The following IL7 variants were observed in gnomAD, a reference collection of about 807,000 sequenced individuals.
The protein encoded by IL7 is interleukin-7.
Under a neutral mutation model 21.6 loss-of-function variants are expected in IL7, and 3 were observed. The observed-to-expected ratio is 0.14, with a 90% CI of 0.06 to 0.36. IL7 has a LOEUF of 0.36. Among genes scored for constraint, IL7 ranks in the 10% least tolerant of loss-of-function variants. IL7 has a pLI of 1.00. For missense variants in IL7, 175 were observed against 200.2 expected, an observed-to-expected ratio of 0.87 and a Z score of 0.76; for synonymous variants, 62 against 68.1, an observed-to-expected ratio of 0.91 and a Z score of 0.44.
At chr8:78,763,996 C>T (rs1812666977) in intron 2 of IL7, among the ~76,000 whole-genome samples, 1 of 152,116 alleles carries the variant, frequency 6.6e-6, no homozygotes, top group South Asian at 2.1e-4. Context: ...ATCATCTACA[C>T]CACAATTGAG....
chr8:78,798,174 C>G lies in IL7; in HGVS notation c.45G>C (p.Leu15=). 8 of 1,611,530 alleles carry G rather than the reference C, an allele frequency of 5.0e-6. No individual in the cohort carries two copies. Among genetic ancestry groups the G allele is most frequent in the Non-Finnish European group, 6.8e-6 (8 of 1,178,078 alleles). ...ATGCTACTGGCAACAGAACAAGGATCAGGGGAGGAAGTCCAAAGATATACC... is the reference window on the plus strand; with the variant it reads ...ATGCTACTGGCAACAGAACAAGGATGAGGGGAGGAAGTCCAAAGATATACC... ...SFRYIFGLPP[L]ILVLLPVASS... is the part of the protein sequence containing the mutation. Residue 15 remains leucine, a synonymous_variant, in exon 2 of 6, where the codon CTG becomes CTC. Transcript: ENST00000263851.
intron 3 of IL7, among the ~76,000 whole-genome samples, chr8:78,695,189 A>G (rs1810358023): frequency 6.6e-6 from 1 of 152,196 alleles, no homozygotes; most frequent in Non-Finnish European, 1.5e-5. Context: ...ATATTATAGG[A>G]TATAAGTAAG....
downstream of IL7, among the ~76,000 whole-genome samples, chr8:78,675,468 C>T (rs551361346): frequency 2.6e-4 from 39 of 151,668 alleles, no homozygotes; most frequent in Admixed American, 1.1e-3. Context: ...AGTAATTTAC[C>T]ATAGAGATAG....
exon 5 of IL7, chr8:78,675,807 G>T: frequency 6.2e-7 from 1 of 1,609,562 alleles, no homozygotes; most frequent in Non-Finnish European, 8.5e-7. Flanking sequence ...TGTTGTCCAA[G>T]TTGGAGAATT....
At chr8:78,794,550 T>G (rs1454095113) in intron 2 of IL7, among the ~76,000 whole-genome samples, 1 of 152,122 alleles carries the variant, frequency 6.6e-6, no homozygotes, top group Non-Finnish European at 1.5e-5. Context: ...AGATGTCGCC[T>G]GTTTCCAGTA....
intron 4 of IL7, among the ~76,000 whole-genome samples, chr8:78,678,378 A>G (rs1266245023): frequency 6.6e-6 from 1 of 152,184 alleles, no homozygotes; most frequent in African/African-American, 2.4e-5. Flanking sequence ...TAGAGCGTGC[A>G]TTATATATAC....
chr8:78,698,350 A>T, intron 3 of IL7: 1 of 1,294,440 alleles, frequency 7.7e-7, no homozygotes, highest in Non-Finnish European at 1.1e-6. Context: ...TTCCTTTGTT[A>T]GATGCTCTGT....
chr8:78,794,044 C>A (rs538632584), intron 2 of IL7, among the ~76,000 whole-genome samples: 3 of 152,186 alleles, frequency 2.0e-5, no homozygotes, highest in African/African-American at 7.2e-5. Flanking sequence ...CTATTTCTAC[C>A]ATATCTGCAT....
chr8:78,741,571 T>C (rs1389031109), intron 2 of IL7, among the ~76,000 whole-genome samples: 2 of 152,210 alleles, frequency 1.3e-5, no homozygotes, highest in South Asian at 4.1e-4. Flanking sequence ...TGTTAGCAAA[T>C]TGCATGACAC....
rs1040579680 is a variant in IL7, at chr8:78,699,875, G to A, written n.215-13928C>T. On this transcript the variant is annotated intron_variant and non_coding_transcript_variant, in intron 3 of 4. Transcript: ENST00000523959. The stretch of plus-strand genomic sequence containing the variant: ...TTCTTTATCCAGTATATCATTGATG[G>A]ACATTTAGGTTGATTCCATGTCTTC... 5.3e-5 allele frequency among the ~76,000 whole-genome samples: 8 copies of A among 152,078 alleles called. No individual in the cohort carries two copies. In the East Asian group the frequency reaches 1.5e-3, roughly 29 times the overall value.
chr8:78,681,716 AC>A (rs1809785611), intron 4 of IL7, among the ~76,000 whole-genome samples: 1 of 152,074 alleles, frequency 6.6e-6, no homozygotes, highest in African/African-American at 2.4e-5. Context: ...AAAATAAATG[AC>A]ATTTTGATTT....
chr8:78,782,904 A>G (rs1813386945), intron 2 of IL7, among the ~76,000 whole-genome samples: 1 of 152,090 alleles, frequency 6.6e-6, no homozygotes, highest in African/African-American at 2.4e-5. Flanking sequence ...TCCCAGAGGG[A>G]GGCCACATGC....
In IL7 at chr8:78,787,969, T is replaced by C. The variant is rs550549060; in HGVS notation, c.147+10103A>G. 3.3e-5 allele frequency among the ~76,000 whole-genome samples: 5 copies of C among 152,302 alleles called. No homozygotes were observed. In the South Asian group the frequency reaches 8.3e-4, roughly 25 times the overall value. On this transcript the variant is annotated intron_variant, in intron 2 of 5. Transcript: ENST00000263851. ...CTCTGTGGTGAAACCACTTCATGAC[T>C]TTCTCCTAGATTTTGGTGGCTGCTG... is the stretch of plus-strand genomic sequence containing the variant.
rs759054048 is a variant in IL7, at chr8:78,780,511, G to A, written c.147+17561C>T. ...TTACCGAGGAGTCATTCAGGATCGG[G>A]TTGTTCAATTTCCATGTAATTGTAT... On this transcript the variant is annotated intron_variant, in intron 2 of 5. Transcript: ENST00000263851. Among the ~76,000 whole-genome samples, 16 of 152,252 alleles carry A rather than the reference G, an allele frequency of 1.1e-4. No individual in the cohort carries two copies. In the East Asian group the frequency reaches 3.1e-3, roughly 29 times the overall value.
At chr8:78,721,790 A>T (rs939109804) in intron 3 of IL7, among the ~76,000 whole-genome samples, 1 of 151,932 alleles carries the variant, frequency 6.6e-6, no homozygotes, top group Non-Finnish European at 1.5e-5. Flanking sequence ...CCTTTACAAC[A>T]TTTGTGCTTC....
intron 3 of IL7, among the ~76,000 whole-genome samples, chr8:78,693,159 CTT>C (rs1810271151): frequency 6.6e-6 from 1 of 152,064 alleles, no homozygotes; most frequent in East Asian, 1.9e-4. Flanking sequence ...GGTTCCAAGT[CTT>C]TGCTATTGTG....
At chr8:78,774,536 A>T (rs751966545) in intron 2 of IL7, among the ~76,000 whole-genome samples, 1 of 152,110 alleles carries the variant, frequency 6.6e-6, no homozygotes, top group Non-Finnish European at 1.5e-5. Flanking sequence ...TTAATTTCCC[A>T]GTCCTTCCTA....
chr8:78,728,588 A>G (rs1811372558), downstream of IL7, among the ~76,000 whole-genome samples: 1 of 152,096 alleles, frequency 6.6e-6, no homozygotes, highest in Non-Finnish European at 1.5e-5. Flanking sequence ...GAAACTTGAT[A>G]CACATTTTAT....
chr8:78,724,671 A>G (rs1260460545), intron 3 of IL7, among the ~76,000 whole-genome samples: 5 of 152,064 alleles, frequency 3.3e-5, no homozygotes, highest in Admixed American at 1.3e-4. Flanking sequence ...AGGTTTTTCC[A>G]TATGTCTTAC....
Sources: allele counts gnomAD v4.1 joint callset (sites outside exome capture counted in the v4.1 genomes callset), GRCh38; gene constraint gnomAD v4.1.1; transcripts MANE v1.5; gene names NCBI Gene and HGNC (gene_info 2026-07-23, HGNC 2026-07-21).